The following FARP1 variants were observed in gnomAD, a reference collection of about 807,000 sequenced individuals.
FARP1 encodes the protein FERM, ARH/RhoGEF and pleckstrin domain protein 1.
Under a neutral mutation model 128.8 loss-of-function variants are expected in FARP1, and 52 were observed. That is an observed-to-expected ratio of 0.40 (90% confidence interval 0.32 to 0.51). The LOEUF is 0.51. Ranked by LOEUF, FARP1 falls within the 20% of genes least tolerant of loss-of-function variation. The pLI, the probability that FARP1 is intolerant of heterozygous loss-of-function variation, is 0.45. For synonymous variants in FARP1, 580 were observed against 551.8 expected, an observed-to-expected ratio of 1.05 and a Z score of -0.72; for missense variants, 1,333 against 1,367.9, an observed-to-expected ratio of 0.97 and a Z score of 0.40.
chr13:98,370,636 T>TGTTGGGGAGTGGAGAGTCAGGGTGTTTC (rs1889287930), intron 5 of FARP1, among the ~76,000 whole-genome samples: 2 of 151,734 alleles, frequency 1.3e-5, no homozygotes, highest in Non-Finnish European at 2.9e-5. Flanking sequence ...AGTGGAGGAC[T>TGTTGGGGAGTGGAGAGTCAGGGTGTTTC]GTTGGGGAGT....
intron 2 of FARP1, among the ~76,000 whole-genome samples, chr13:98,314,551 T>C (rs1232223357): frequency 1.3e-5 from 2 of 152,176 alleles, no homozygotes; most frequent in Non-Finnish European, 2.9e-5. Flanking sequence ...GTGCTGGGAT[T>C]ACAGGCATGA....
intron 3 of FARP1, among the ~76,000 whole-genome samples, chr13:98,356,574 T>G (rs1363554190): frequency 6.6e-6 from 1 of 152,104 alleles, no homozygotes; most frequent in East Asian, 1.9e-4. Context: ...TGTTTCGTGC[T>G]CTTGACTAAG....
chr13:98,330,553 G>T (rs1387916333), intron 2 of FARP1, among the ~76,000 whole-genome samples: 1 of 152,010 alleles, frequency 6.6e-6, no homozygotes. Context: ...TCAGGAGTTC[G>T]AGACCAGCCT....
At chr13:98,434,461 C>T (rs993883056) in intron 18 of FARP1, 3 of 152,200 alleles carry the variant, frequency 2.0e-5, no homozygotes, top group African/African-American at 7.2e-5. Flanking sequence ...CCTTCCAACA[C>T]TGAAATGCTG....
At chr13:98,287,208 C>CTT (rs71111939) in intron 2 of FARP1, among the ~76,000 whole-genome samples, 3 of 75,812 alleles carry the variant, frequency 4.0e-5, no homozygotes, top group African/African-American at 6.6e-5. Flanking sequence ...TCAGACATGT[C>CTT]TTTTTTTTTT....
Position 98,393,632 on chromosome 13 carries a change from A to AC in FARP1, c.1089-11_1089-10insC, listed in dbSNP as rs1175237118. 1 of 1,610,764 alleles carries AC rather than the reference A, an allele frequency of 6.2e-7. No homozygotes were observed. Among genetic ancestry groups the AC allele is most frequent in the South Asian group, 1.1e-5 (1 of 90,978 alleles). On this transcript the variant is annotated splice_polypyrimidine_tract_variant and intron_variant, in intron 11 of 26. Coordinates refer to ENST00000319562, the MANE Select transcript of FARP1 (RefSeq NM_005766.4). ...CACCTAACTTTAATGATCTTGTGTG[A>AC]TTTTTCCCAGGAAGCACAGCAAGAT...
chr13:98,321,040 C>T lies in FARP1; in HGVS notation c.172-22722C>T, dbSNP rs575315426. Among the ~76,000 whole-genome samples, 18 of 152,266 alleles carry T rather than the reference C, an allele frequency of 1.2e-4. 1 individual carries two copies. Among genetic ancestry groups the T allele is most frequent in the Admixed American group, 1.0e-3 (16 of 15,292 alleles). On this transcript the variant is annotated intron_variant, in intron 2 of 26. Coordinates refer to ENST00000319562, the MANE Select transcript of FARP1 (RefSeq NM_005766.4). ...GAGTCTTTGGGTTATGGAAGAAGAA[C>T]GTGATGGTAACTTGTCATCACCACC...
At position 98,190,993 on chromosome 13, in the gene FARP1, C is replaced by T. The variant is rs562578053; in HGVS notation, c.-23-22227C>T. Among the ~76,000 whole-genome samples the T allele has an allele frequency of 1.4e-3, 208 of 152,276 alleles. 1 individual carries two copies. The South Asian group carries it at 0.02, about 15-fold the overall frequency. ...GGACACTGCATCTTATCATCTCCCC[C>T]GGTCCTGCCTCTGGCACTGTGCCCA... is the stretch of plus-strand genomic sequence containing the variant. On this transcript the variant is annotated intron_variant, in intron 1 of 26. Transcript: ENST00000319562.
chr13:98,241,099 C>T (rs949295880), intron 2 of FARP1, among the ~76,000 whole-genome samples: 7 of 152,152 alleles, frequency 4.6e-5, no homozygotes, highest in Non-Finnish European at 7.3e-5. Flanking sequence ...AAGGGACTGT[C>T]GTATGGGGTG....
intron 2 of FARP1, chr13:98,329,763 T>C (rs185571767): frequency 8.5e-5 from 13 of 152,322 alleles, no homozygotes; most frequent in Admixed American, 7.8e-4. Flanking sequence ...ATGGGAATTA[T>C]GGTTTTAAAA....
chr13:98,248,120 G>A (rs916108423), intron 2 of FARP1, among the ~76,000 whole-genome samples: 5 of 152,234 alleles, frequency 3.3e-5, no homozygotes, highest in East Asian at 3.9e-4. Context: ...GTGCAATCCC[G>A]TCCAGCCCAG....
chr13:98,344,888 C>T (rs1030681807), intron 3 of FARP1, among the ~76,000 whole-genome samples: 1 of 152,184 alleles, frequency 6.6e-6, no homozygotes, highest in Non-Finnish European at 1.5e-5. Context: ...GCCCTTTTTA[C>T]AGTGTGGCAT....
chr13:98,267,431 T>C (rs1884173485), intron 2 of FARP1, among the ~76,000 whole-genome samples: 1 of 152,196 alleles, frequency 6.6e-6, no homozygotes, highest in African/African-American at 2.4e-5. Flanking sequence ...TGCTCAAACC[T>C]GTTCTTGACT....
At chr13:98,339,325 G>C (rs555523694) in intron 2 of FARP1, among the ~76,000 whole-genome samples, 4 of 152,214 alleles carry the variant, frequency 2.6e-5, no homozygotes, top group South Asian at 4.1e-4. Flanking sequence ...GAGCCCAAAG[G>C]GGGAGGTGCC....
chr13:98,155,343 CAAAAAAAA>C (rs67425847), intron 1 of FARP1, among the ~76,000 whole-genome samples: 9 of 64,552 alleles, frequency 1.4e-4, no homozygotes, highest in Admixed American at 3.6e-4. Flanking sequence ...AACTCTGTCT[CAAAAAAAA>C]AAAAAAAAAA....
In FARP1 at chr13:98,395,274, A is replaced by T; in HGVS notation, c.1212A>T (p.Pro404=). 2 of 1,607,430 alleles carry T rather than the reference A, an allele frequency of 1.2e-6. No individual in the cohort carries two copies. Among genetic ancestry groups the T allele is most frequent in the Non-Finnish European group, 1.7e-6 (2 of 1,174,856 alleles). ...CATTTGGAGAAGGTGCCGAATCTCC[A>T]GGGGGCCAGAGCTGCCGGCGAGGAA... ...SLTFGEGAES[P]GGQSCRRGKE... Residue 404 remains proline (P), a synonymous_variant, in exon 13 of 27, where the codon CCA becomes CCT. Transcript: ENST00000319562.
intron 1 of FARP1, among the ~76,000 whole-genome samples, chr13:98,208,808 TC>T (rs1880469469): frequency 6.6e-6 from 1 of 152,136 alleles, no homozygotes; most frequent in African/African-American, 2.4e-5. Context: ...TTTGCTGACC[TC>T]AGGGCCAGCC....
chr13:98,372,088 T>TTC (rs1555341313), intron 5 of FARP1, among the ~76,000 whole-genome samples: 25 of 141,710 alleles, frequency 1.8e-4, no homozygotes, highest in African/African-American at 4.8e-4. Flanking sequence ...TTTCTTTTTT[T>TTC]TTTTTTTTTT....
intron 24 of FARP1, 73 bp downstream of exon 24, chr13:98,440,909 C>A: frequency 6.8e-7 from 1 of 1,464,370 alleles, no homozygotes; most frequent in Non-Finnish European, 9.2e-7. Context: ...ACTTCTGGGC[C>A]AGGGGCTTGA....
Sources: gnomAD v4.1 joint callset for allele counts (sites outside exome capture counted in the v4.1 genomes callset) on GRCh38, gnomAD v4.1.1 for gene constraint, MANE v1.5 for transcripts, NCBI Gene and HGNC (gene_info 2026-07-23, HGNC 2026-07-21) for gene names.